B4GALNT3: variants seen among roughly 807,000 people sequenced by gnomAD.
B4GALNT3 encodes beta-1,4-N-acetylgalactosaminyltransferase 3.
Under a neutral mutation model 120.2 loss-of-function variants are expected in B4GALNT3, and 86 were observed. The ratio of observed to expected loss-of-function variants is 0.72; its 90% CI spans 0.60 to 0.86. The LOEUF (loss-of-function observed/expected upper bound fraction) is 0.86, where lower values mean the gene tolerates loss of function less well. Ranked by LOEUF, B4GALNT3 falls within the 40% of genes least tolerant of loss-of-function variation. The probability of loss-of-function intolerance (pLI) is 0.00; values close to 1 mark genes in which losing one functional copy is unlikely to be tolerated. For missense variants in B4GALNT3, 1,167 were observed against 1,298.9 expected, an observed-to-expected ratio of 0.90 and a Z score of 1.56; for synonymous variants, 518 against 510.4, an observed-to-expected ratio of 1.01 and a Z score of -0.20.
rs1415695232 is a variant in B4GALNT3, at chr12:494,363, C to T, written c.169+33818C>T. On this transcript the variant is annotated intron_variant, in intron 1 of 19. Transcript: ENST00000266383. Reference sequence around the variant, plus strand: ...CGTTCTTAAATGTAAAGACTCTTAGCTTCATCAGTCAGCGTTCACATTGCA... The same window carrying T: ...CGTTCTTAAATGTAAAGACTCTTAGTTTCATCAGTCAGCGTTCACATTGCA... 3.3e-5 allele frequency among the ~76,000 whole-genome samples: 5 copies of T among 152,020 alleles called. No homozygotes were observed. The East Asian group carries it at 5.8e-4, about 18-fold the overall frequency.
At chr12:558,112 C>T (rs765173332) in intron 17 of B4GALNT3, 24 bp downstream of exon 17, 38 of 1,609,206 alleles carry the variant, frequency 2.4e-5, no homozygotes, top group East Asian at 6.7e-5. Flanking sequence ...ATGGGGCCTG[C>T]GAGATGGAAT....
chr12:465,645 T>C (rs74058021), intron 1 of B4GALNT3, among the ~76,000 whole-genome samples: 3,098 of 152,306 alleles, frequency 0.02, 92 homozygotes, highest in African/African-American at 0.07. Context: ...GTCCCTGTGC[T>C]GATGTGGCCG....
At chr12:514,371 G>A (rs1261159843) in intron 1 of B4GALNT3, among the ~76,000 whole-genome samples, 5 of 151,814 alleles carry the variant, frequency 3.3e-5, no homozygotes, top group African/African-American at 9.7e-5. Context: ...CTAATTTTTT[G>A]TATTTTTAGT....
chr12:473,728 A>T (rs1409074562), intron 1 of B4GALNT3, among the ~76,000 whole-genome samples: 1 of 152,158 alleles, frequency 6.6e-6, no homozygotes, highest in Non-Finnish European at 1.5e-5. Flanking sequence ...CACTTGTTAT[A>T]TGCCAGGCTA....
At chr12:488,065 A>T (rs1210128298) in intron 1 of B4GALNT3, among the ~76,000 whole-genome samples, 1 of 151,820 alleles carries the variant, frequency 6.6e-6, no homozygotes, top group African/African-American at 2.4e-5. Flanking sequence ...ATGGGCCAGT[A>T]TGGTGACTCA....
intron 12 of B4GALNT3, 129 bp from the exon 13 acceptor site, chr12:552,338 C>G: frequency 1.7e-5 from 16 of 956,228 alleles, no homozygotes; most frequent in Non-Finnish European, 2.6e-5. Flanking sequence ...CACACACACC[C>G]GCTCACCAGC....
chr12:530,199 G>A (rs1314761864), intron 1 of B4GALNT3, among the ~76,000 whole-genome samples: 3 of 152,260 alleles, frequency 2.0e-5, no homozygotes, highest in African/African-American at 7.2e-5. Flanking sequence ...TTTGAGCGTT[G>A]CTATGTCTTA....
intron 7 of B4GALNT3, among the ~76,000 whole-genome samples, chr12:547,533 C>T (rs1181769066): frequency 1.3e-5 from 2 of 152,148 alleles, no homozygotes; most frequent in African/African-American, 2.4e-5. Context: ...GCAAAGAGCA[C>T]TCGCGTGCCA....
chr12:540,439 G>A (rs1946902486), intron 3 of B4GALNT3: 1 of 152,210 alleles, frequency 6.6e-6, no homozygotes, highest in Admixed American at 6.5e-5. Context: ...CCCTCTGCCT[G>A]GGGACGTCAT....
intron 1 of B4GALNT3, among the ~76,000 whole-genome samples, chr12:495,764 T>C (rs1227704131): frequency 2.0e-5 from 3 of 152,170 alleles, no homozygotes; most frequent in African/African-American, 7.2e-5. Flanking sequence ...AGCTTTCTTA[T>C]CTTTATTTAG....
At chr12:506,225 A>G (rs752616196) in intron 1 of B4GALNT3, among the ~76,000 whole-genome samples, 1 of 152,154 alleles carries the variant, frequency 6.6e-6, no homozygotes, top group African/African-American at 2.4e-5. Context: ...TTTATTATCA[A>G]ATCATAGAGT....
chr12:538,410 ATAGC>A (rs1452619749), intron 3 of B4GALNT3, among the ~76,000 whole-genome samples: 1 of 151,602 alleles, frequency 6.6e-6, no homozygotes, highest in Non-Finnish European at 1.5e-5. Context: ...TAAAAAAAAA[ATAGC>A]TAGCCGTGGT....
intron 3 of B4GALNT3, 141 bp from the exon 4 acceptor site, chr12:544,198 T>C: frequency 1.6e-6 from 1 of 620,272 alleles, no homozygotes; most frequent in Non-Finnish European, 2.7e-6. Flanking sequence ...GAGCTGAGGC[T>C]CTGGGGAGGG....
At chr12:499,713 C>T (rs1272086225) in intron 1 of B4GALNT3, among the ~76,000 whole-genome samples, 3 of 152,216 alleles carry the variant, frequency 2.0e-5, no homozygotes, top group Non-Finnish European at 4.4e-5. Flanking sequence ...CAGTCCTAGC[C>T]CGTGGTAGGC....
At chr12:515,591 TTG>T (rs1467982719) in intron 1 of B4GALNT3, among the ~76,000 whole-genome samples, 1 of 152,212 alleles carries the variant, frequency 6.6e-6, no homozygotes, top group Non-Finnish European at 1.5e-5. Context: ...TTAGCTCTTA[TTG>T]TTTTTATCAT....
intron 1 of B4GALNT3, among the ~76,000 whole-genome samples, chr12:478,979 C>T (rs937171571): frequency 3.3e-5 from 5 of 152,130 alleles, no homozygotes; most frequent in African/African-American, 4.8e-5. Context: ...TCCTGGAGTT[C>T]GCTGGGAAGA....
At chr12:461,967 C>T (rs1414086569) in intron 1 of B4GALNT3, among the ~76,000 whole-genome samples, 1 of 152,160 alleles carries the variant, frequency 6.6e-6, no homozygotes, top group Non-Finnish European at 1.5e-5. Flanking sequence ...CTGATCTGCA[C>T]GCAAGCGTTT....
rs758524548 is a variant in B4GALNT3, at chr12:536,222, A to G, written c.278A>G (p.His93Arg). 2.5e-6 allele frequency: 4 copies of G among 1,613,924 alleles called. No homozygotes were observed. The South Asian group carries it at 3.3e-5, about 13-fold the overall frequency. Residue 93 changes from histidine (H) to arginine (R), a missense_variant, in exon 3 of 20, where the codon CAC (histidine) becomes CGC (arginine). His to Arg is a conservative substitution (Grantham distance 29, BLOSUM62 0). Transcript: ENST00000266383. ...YHPQRLSLED[H>R]DIDQGVSSNS... Reference sequence around the variant, plus strand: ...CGTTCTTCATTCTTCCCCTAGGACCACGACATTGACCAAGGGGTGAGCAGT... The same window carrying G: ...CGTTCTTCATTCTTCCCCTAGGACCGCGACATTGACCAAGGGGTGAGCAGT...
At chr12:467,747 A>G (rs1428119756) in intron 1 of B4GALNT3, among the ~76,000 whole-genome samples, 3 of 152,234 alleles carry the variant, frequency 2.0e-5, no homozygotes, top group Admixed American at 6.5e-5. Flanking sequence ...GATACATAGT[A>G]GCCTCTGGAA....
Sources: allele counts gnomAD v4.1 joint callset (sites outside exome capture counted in the v4.1 genomes callset), GRCh38; gene constraint gnomAD v4.1.1; transcripts MANE v1.5; gene names NCBI Gene and HGNC (gene_info 2026-07-23, HGNC 2026-07-21).